Variants in PLPP4 observed in about 807,000 individuals in gnomAD.
The protein encoded by PLPP4 is phospholipid phosphatase 4.
In PLPP4, 20 loss-of-function variants were observed where a neutral mutation model predicts 32.2. The ratio of observed to expected loss-of-function variants is 0.62; its 90% CI spans 0.44 to 0.90. The LOEUF (loss-of-function observed/expected upper bound fraction) is 0.90. Among genes scored for constraint, PLPP4 ranks in the 40% least tolerant of loss-of-function variants. The pLI is 0.00. For missense variants in PLPP4, 257 were observed against 353.1 expected (o/e 0.73, Z 2.18); for synonymous variants, 127 against 133.0 (o/e 0.95, Z 0.31).
intron 5 of PLPP4, among the ~76,000 whole-genome samples, chr10:120,572,226 G>A (rs987916906): frequency 6.6e-6 from 1 of 152,200 alleles, no homozygotes; most frequent in African/African-American, 2.4e-5. Context: ...TAGAGCCTGG[G>A]GTGCCAATGC....
chr10:120,491,880 C>A (rs74401440), intron 1 of PLPP4, among the ~76,000 whole-genome samples: 8,224 of 152,200 alleles, frequency 0.054, 306 homozygotes, highest in South Asian at 0.11. Flanking sequence ...CAAAAAAACC[C>A]AAGTGATCTC....
rs537981508 is a variant in PLPP4 at position 120,496,001 on chromosome 10, A to G, written c.57-7817A>G. ...GAGGTCAAGTGACTTTTTTCAAGCT[A>G]CCCTGCCAGCAAACACCAAAGCAGG... On this transcript the variant is annotated intron_variant, in intron 1 of 6. Transcript: ENST00000398250. Among the ~76,000 whole-genome samples the G allele has an allele frequency of 2.0e-5, 3 of 152,186 alleles. No individual in the cohort carries two copies. The South Asian group carries it at 6.2e-4, about 32-fold the overall frequency.
intron 6 of PLPP4, 109 bp from the exon 7 acceptor site, chr10:120,589,194 A>G (rs1849903412): frequency 9.2e-7 from 1 of 1,086,524 alleles, no homozygotes; most frequent in Admixed American, 1.9e-5. Context: ...GGGTCCTGTA[A>G]GCAAACCAGG....
chr10:120,582,523 G>A (rs990717255), intron 6 of PLPP4, among the ~76,000 whole-genome samples: 3 of 151,876 alleles, frequency 2.0e-5, no homozygotes, highest in Admixed American at 6.6e-5. Flanking sequence ...TTCTAAATAA[G>A]GTCACATTCT....
At chr10:120,518,085 G>A (rs923013509) in intron 3 of PLPP4, among the ~76,000 whole-genome samples, 2 of 152,130 alleles carry the variant, frequency 1.3e-5, no homozygotes, top group African/African-American at 4.8e-5. Flanking sequence ...CAGGAGAGAG[G>A]TACAACATTT....
chr10:120,588,615 GA>G (rs1269542975), intron 6 of PLPP4, among the ~76,000 whole-genome samples: 11 of 149,314 alleles, frequency 7.4e-5, no homozygotes, highest in East Asian at 1.9e-4. Flanking sequence ...ACTTACTAAA[GA>G]AAAAAAAAAT....
chr10:120,546,277 A>G (rs1847613643), intron 5 of PLPP4, among the ~76,000 whole-genome samples: 1 of 152,148 alleles, frequency 6.6e-6, no homozygotes, highest in South Asian at 2.1e-4. Flanking sequence ...TGACTCACAC[A>G]AACTCCTTCT....
intron 2 of PLPP4, among the ~76,000 whole-genome samples, chr10:120,512,713 T>G (rs1335685905): frequency 1.3e-5 from 2 of 152,170 alleles, no homozygotes; most frequent in Non-Finnish European, 2.9e-5. Flanking sequence ...CTCAGGAGGC[T>G]GAGGCAGGAG....
chr10:120,576,396 C>T (rs1849226648), intron 6 of PLPP4, among the ~76,000 whole-genome samples: 1 of 152,168 alleles, frequency 6.6e-6, no homozygotes. Context: ...CCTACCTTTT[C>T]CGGGGGTTTG....
intron 2 of PLPP4, among the ~76,000 whole-genome samples, chr10:120,511,908 C>T (rs530315126): frequency 7.2e-5 from 11 of 152,128 alleles, no homozygotes; most frequent in Non-Finnish European, 7.4e-5. Context: ...CTGGCTAACA[C>T]GGTGAAACCC....
chr10:120,512,382 G>A (rs1398154505), intron 2 of PLPP4, among the ~76,000 whole-genome samples: 4 of 152,324 alleles, frequency 2.6e-5, no homozygotes, highest in African/African-American at 9.6e-5. Flanking sequence ...AACAATCCAA[G>A]TCATTCAGGG....
chr10:120,490,273 G>A (rs1036945569), intron 1 of PLPP4, among the ~76,000 whole-genome samples: 2 of 152,232 alleles, frequency 1.3e-5, no homozygotes, highest in African/African-American at 4.8e-5. Flanking sequence ...TATAGGCCAC[G>A]TGCTTGAGAT....
intron 1 of PLPP4, among the ~76,000 whole-genome samples, chr10:120,503,398 G>A (rs1254440636): frequency 6.6e-6 from 1 of 152,112 alleles, no homozygotes; most frequent in Non-Finnish European, 1.5e-5. Flanking sequence ...TTGACCAACC[G>A]ATGAAGACAG....
chr10:120,482,805 G>A (rs954603795), intron 1 of PLPP4, among the ~76,000 whole-genome samples: 3 of 151,964 alleles, frequency 2.0e-5, no homozygotes, highest in African/African-American at 7.3e-5. Context: ...CCAGCTACTT[G>A]GGAGGCTGAG....
intron 1 of PLPP4, among the ~76,000 whole-genome samples, chr10:120,503,037 C>T (rs1845334444): frequency 6.6e-6 from 1 of 152,260 alleles, no homozygotes; most frequent in Non-Finnish European, 1.5e-5. Context: ...GTAGGGACAG[C>T]TGCCGCAACC....
intron 1 of PLPP4, among the ~76,000 whole-genome samples, chr10:120,492,150 C>T (rs1452253038): frequency 1.3e-5 from 2 of 152,160 alleles, no homozygotes; most frequent in African/African-American, 4.8e-5. Flanking sequence ...AACTGCTTGA[C>T]CCAGGTTATG....
At chr10:120,520,860 C>A in intron 4 of PLPP4, 111 bp from the exon 5 acceptor site, 1 of 1,359,462 alleles carries the variant, frequency 7.4e-7, no homozygotes, top group South Asian at 1.3e-5. Context: ...GTGTTGACAG[C>A]CAAGGGGGCT....
At chr10:120,567,505 A>G (rs1389412420) in intron 5 of PLPP4, among the ~76,000 whole-genome samples, 3 of 152,232 alleles carry the variant, frequency 2.0e-5, no homozygotes, top group African/African-American at 7.2e-5. Context: ...CCCAAGTCTT[A>G]ATACCTAGAA....
At chr10:120,557,596 C>T (rs1391128012) in intron 5 of PLPP4, among the ~76,000 whole-genome samples, 1 of 152,076 alleles carries the variant, frequency 6.6e-6, no homozygotes, top group African/African-American at 2.4e-5. Context: ...TCACAGTTGT[C>T]ACAAAAAAAT....
Sources: gnomAD v4.1 joint callset for allele counts (sites outside exome capture counted in the v4.1 genomes callset) on GRCh38, gnomAD v4.1.1 for gene constraint, MANE v1.5 for transcripts, NCBI Gene and HGNC (gene_info 2026-07-23, HGNC 2026-07-21) for gene names.